The following ADGRV1 variants were observed in gnomAD, a reference collection of about 807,000 sequenced individuals.
ADGRV1 encodes G-protein coupled receptor 98.
Under a neutral mutation model 596.2 loss-of-function variants are expected in ADGRV1, and 359 were observed. The observed-to-expected ratio is 0.60, with a 90% CI of 0.55 to 0.66. The LOEUF is 0.66. Ranked by LOEUF, ADGRV1 falls within the 30% of genes least tolerant of loss-of-function variation. The pLI is 0.00. For missense variants in ADGRV1, 7,274 were observed against 7,575.6 expected, an observed-to-expected ratio of 0.96 and a Z score of 1.48; for synonymous variants, 2,681 against 2,679.2, an observed-to-expected ratio of 1.00 and a Z score of -0.02.
At chr5:90,628,489 A>G in intron 7 of ADGRV1, 73 bp from the exon 8 acceptor site, 1 of 1,270,438 alleles carries the variant, frequency 7.9e-7, no homozygotes, top group Admixed American at 1.9e-5. Flanking sequence ...GGACAACTTG[A>G]CATTGGGAAA....
At chr5:90,596,755 C>G (rs545411053) in intron 1 of ADGRV1, among the ~76,000 whole-genome samples, 1 of 152,106 alleles carries the variant, frequency 6.6e-6, no homozygotes, top group South Asian at 2.1e-4. Flanking sequence ...GTCCAGCTTC[C>G]GCTCGGCATC....
At position 90,755,012 on chromosome 5, in the gene ADGRV1, G is replaced by A; in HGVS notation, c.11407G>A (p.Ala3803Thr). The A allele has an allele frequency of 6.2e-7, 1 of 1,613,122 alleles. No individual in the cohort carries two copies. The highest frequency in any genetic ancestry group is 8.5e-7 in the Non-Finnish European group (1 of 1,179,210). ...CACCACCACTCTTCAGTTACAAATA[G>A]CTCGAGATAAAGGACTACTTGGGGA... ...ENTTTLQLQI[A>T]RDKGLLGDIA... The change falls in exon 55 of 90, where the codon GCT (alanine) becomes ACT (threonine). Residue 3803 changes from alanine (A) to threonine (T), a missense_variant. Transcript: ENST00000405460.
chr5:91,148,087 G>A (rs145511729), intron 87 of ADGRV1, among the ~76,000 whole-genome samples: 2,450 of 152,272 alleles, frequency 0.016, 74 homozygotes, highest in African/African-American at 0.057. Flanking sequence ...GTTATCTGGC[G>A]GAAGAAATTT....
intron 82 of ADGRV1, among the ~76,000 whole-genome samples, chr5:90,859,823 G>T (rs1767370793): frequency 6.6e-6 from 1 of 151,874 alleles, no homozygotes; most frequent in Admixed American, 6.6e-5. Flanking sequence ...TAAATTTAAG[G>T]CTGGGTGCTG....
Position 90,813,132 on chromosome 5 carries a change from C to CAAA in ADGRV1, c.16078+1824_16078+1826dup, listed in dbSNP as rs5869522. ...TGGGCGACAGAGTAAGACTCCGTCT[C>CAAA]AAAAAAAAAAAAAAAAAAAAAAAAA... On this transcript the variant is annotated intron_variant, in intron 74 of 89. Coordinates refer to ENST00000405460, the MANE Select transcript of ADGRV1 (RefSeq NM_032119.4). Among the ~76,000 whole-genome samples the CAAA allele has an allele frequency of 1.5e-3, 52 of 34,918 alleles. 2 individuals are homozygous for CAAA. Among genetic ancestry groups the CAAA allele is most frequent in the African/African-American group, 3.3e-3 (39 of 11,998 alleles). 22.9% of individuals were successfully genotyped at this position (34,918 alleles called of 152,430 possible). A position where few individuals can be genotyped will look rare whatever the true frequency, so the allele number is the denominator to read the frequency against.
chr5:90,810,482 T>G lies in ADGRV1; in HGVS notation c.15222T>G (p.Phe5074Leu). The change falls in exon 74 of 90, where the codon TTT becomes TTG. Residue 5074 changes from phenylalanine to leucine, a missense_variant. Physicochemically the swap from Phe to Leu is conservative, Grantham distance 22 (BLOSUM62 0). Transcript: ENST00000405460. ...AAAAATTCCAAACTGAGGTTGATTT[T>G]GAAATAACCATTATTAATGATCAGC... The part of the protein sequence containing the change: ...FFQKFQTEVD[F>L]EITIINDQLS... 2 of 1,613,966 alleles carry G rather than the reference T, an allele frequency of 1.2e-6. No homozygotes were observed. Among genetic ancestry groups the G allele is most frequent in the South Asian group, 2.2e-5 (2 of 91,082 alleles).
chr5:91,089,326 G>A (rs1790182934), intron 86 of ADGRV1, among the ~76,000 whole-genome samples: 1 of 152,072 alleles, frequency 6.6e-6, no homozygotes, highest in South Asian at 2.1e-4. Flanking sequence ...TTGATAATCT[G>A]ATAGCTGTTG....
At chr5:91,162,981 G>T (rs562267061) in intron 89 of ADGRV1, among the ~76,000 whole-genome samples, 1 of 152,294 alleles carries the variant, frequency 6.6e-6, no homozygotes, top group South Asian at 2.1e-4. Context: ...TTGTGTGTGT[G>T]TAGAGAGGAT....
At chr5:90,843,277 T>C (rs918768303) in intron 78 of ADGRV1, among the ~76,000 whole-genome samples, 3 of 152,164 alleles carry the variant, frequency 2.0e-5, no homozygotes, top group Admixed American at 2.0e-4. Context: ...ATTTGAAATA[T>C]GGTGTTACTG....
intron 4 of ADGRV1, among the ~76,000 whole-genome samples, chr5:90,622,198 G>A (rs1424938169): frequency 6.6e-6 from 1 of 152,204 alleles, no homozygotes; most frequent in African/African-American, 2.4e-5. Flanking sequence ...AAGAGTGGTT[G>A]TGGACAAGGC....
At chr5:90,911,160 C>G (rs1561928500) in intron 83 of ADGRV1, among the ~76,000 whole-genome samples, 1 of 152,064 alleles carries the variant, frequency 6.6e-6, no homozygotes, top group Non-Finnish European at 1.5e-5. Context: ...GATGGGTTTA[C>G]CAAAGAAAGT....
intron 1 of ADGRV1, among the ~76,000 whole-genome samples, chr5:90,594,172 G>C (rs1343573316): frequency 2.6e-5 from 4 of 152,162 alleles, no homozygotes; most frequent in Non-Finnish European, 5.9e-5. Flanking sequence ...TGGTGTGGCT[G>C]TGTCCCCATC....
chr5:91,040,193 T>C (rs1454367154), intron 85 of ADGRV1, among the ~76,000 whole-genome samples: 1 of 152,166 alleles, frequency 6.6e-6, no homozygotes, highest in African/African-American at 2.4e-5. Context: ...TTTGCATCCA[T>C]ACTCAAAATA....
At chr5:90,807,100 G>A (rs1314594707) in intron 72 of ADGRV1, among the ~76,000 whole-genome samples, 1 of 151,996 alleles carries the variant, frequency 6.6e-6, no homozygotes, top group Non-Finnish European at 1.5e-5. Flanking sequence ...ATCCGCCCTC[G>A]TCGGCCTCCC....
intron 21 of ADGRV1, among the ~76,000 whole-genome samples, chr5:90,658,506 A>C (rs1014643470): frequency 2.0e-5 from 3 of 152,212 alleles, no homozygotes; most frequent in African/African-American, 4.8e-5. Context: ...TTAGCAAATG[A>C]AACTTTAGCA....
rs7737353 is a variant in ADGRV1 at position 90,928,683 on chromosome 5, G to C, written c.17857-36732G>C. Among the ~76,000 whole-genome samples the C allele has an allele frequency of 1.2e-4, 17 of 146,222 alleles. No individual in the cohort carries two copies. The East Asian group carries it at 1.5e-3, about 13-fold the overall frequency. On this transcript the variant is annotated intron_variant, in intron 83 of 89. Transcript: ENST00000405460. Reference sequence around the variant, plus strand: ...TGTTCCGTTGCTGGTGAGGAACTGCGTTCCTTTGGAGGAGGAGAGGCGCTC... The same window carrying C: ...TGTTCCGTTGCTGGTGAGGAACTGCCTTCCTTTGGAGGAGGAGAGGCGCTC...
chr5:91,121,847 A>T (rs542510101), intron 87 of ADGRV1, among the ~76,000 whole-genome samples: 1 of 152,212 alleles, frequency 6.6e-6, no homozygotes, highest in Non-Finnish European at 1.5e-5. Context: ...AGAGTTGAGC[A>T]ACTCTAAAGC....
Position 90,802,890 on chromosome 5 carries a change from G to T in ADGRV1, c.14661+8G>T, listed in dbSNP as rs758514165. 6.3e-7 allele frequency: 1 copy of T among 1,597,202 alleles called. No homozygotes were observed. The highest frequency in any genetic ancestry group is 8.5e-7 in the Non-Finnish European group (1 of 1,171,284). On this transcript the variant is annotated splice_region_variant and intron_variant, in intron 71 of 89. Transcript: ENST00000405460. ...AAAGCTGCCAATTCTCAGGTAATTGGCCCTGTGTGTGGTTCTCTCAGCAGA... is the reference window on the plus strand; with the variant it reads ...AAAGCTGCCAATTCTCAGGTAATTGTCCCTGTGTGTGGTTCTCTCAGCAGA...
chr5:91,081,220 AT>A (rs1198548180), intron 86 of ADGRV1, among the ~76,000 whole-genome samples: 1 of 152,064 alleles, frequency 6.6e-6, no homozygotes, highest in Non-Finnish European at 1.5e-5. Flanking sequence ...CCTTCATGAG[AT>A]TATTACCTCC....
Sources: allele counts gnomAD v4.1 joint callset (sites outside exome capture counted in the v4.1 genomes callset), GRCh38; gene constraint gnomAD v4.1.1; transcripts MANE v1.5; gene names NCBI Gene and HGNC (gene_info 2026-07-23, HGNC 2026-07-21).